ANXA11: variants seen among roughly 807,000 people sequenced by gnomAD.
ANXA11 encodes annexin A11.
In ANXA11, 57 loss-of-function variants were observed where a neutral mutation model predicts 64.7. The ratio of observed to expected loss-of-function variants is 0.88; its 90% CI spans 0.71 to 1.10. The LOEUF (loss-of-function observed/expected upper bound fraction) is 1.10. Ranked by LOEUF, ANXA11 falls within the 50% of genes least tolerant of loss-of-function variation. ANXA11 has a pLI of 0.00. For synonymous variants in ANXA11, 260 were observed against 265.2 expected (o/e 0.98, Z 0.19); for missense variants, 675 against 670.7 (o/e 1.01, Z -0.07).
At chr10:80,183,894 C>T (rs1169971360) in intron 1 of ANXA11, among the ~76,000 whole-genome samples, 1 of 152,248 alleles carries the variant, frequency 6.6e-6, no homozygotes, top group African/African-American at 2.4e-5. Flanking sequence ...CTGCCCCACA[C>T]ACCCCTTCAG....
chr10:80,168,501 A>T (rs1414099540), intron 5 of ANXA11, among the ~76,000 whole-genome samples: 1 of 152,104 alleles, frequency 6.6e-6, no homozygotes, highest in African/African-American at 2.4e-5. Flanking sequence ...AGTCTGCAAG[A>T]AGGTGACGCT....
At chr10:80,191,160 G>T (rs935374438) in intron 1 of ANXA11, among the ~76,000 whole-genome samples, 5 of 152,110 alleles carry the variant, frequency 3.3e-5, no homozygotes, top group African/African-American at 1.2e-4. Context: ...GGGAGGTGGA[G>T]GCTGCAGTGA....
rs939448639 is a variant in ANXA11 at position 80,157,125 on chromosome 10, C to T, written c.1458+516G>A. ...AACGATTATTTTCTCATCTTAAAGA[C>T]AATGGAGCTGGGGTTCAGGGAGATT... On this transcript the variant is annotated intron_variant, in intron 15 of 15. Coordinates refer to ENST00000422982, the MANE Select transcript of ANXA11 (RefSeq NM_145868.2). The T allele has an allele frequency of 3.6e-5, 35 of 970,458 alleles. No individual in the cohort carries two copies. The African/African-American group carries it at 5.6e-4, about 16-fold the overall frequency. 60.1% of individuals were successfully genotyped at this position (970,458 alleles called of 1,614,324 possible). A position where few individuals can be genotyped will look rare whatever the true frequency, so the allele number is the denominator to read the frequency against.
intron 1 of ANXA11, among the ~76,000 whole-genome samples, chr10:80,203,896 C>T (rs996808026): frequency 1.3e-4 from 20 of 152,202 alleles, no homozygotes; most frequent in African/African-American, 4.8e-4. Context: ...TTAGCTGAAC[C>T]TTCCACTGCT....
At chr10:80,162,419 C>T (rs1208222330) in intron 11 of ANXA11, among the ~76,000 whole-genome samples, 2 of 152,260 alleles carry the variant, frequency 1.3e-5, no homozygotes, top group Non-Finnish European at 2.9e-5. Flanking sequence ...CAGAGAGACA[C>T]TGAATAAGGC....
rs1284012660 is a variant in ANXA11 at position 80,171,706 on chromosome 10, C to CTTCTACATGGCAGCTTCTACAT, written c.56-792_56-791insATGTAGAAGCTGCCATGTAGAA. ...TTTCCTCTACATGGCAGCTTCGGATCGGCTCTTCATCTCCAGGGCTCCAGA... is the reference window on the plus strand; with the variant it reads ...TTTCCTCTACATGGCAGCTTCGGATCTTCTACATGGCAGCTTCTACATGGCTCTTCATCTCCAGGGCTCCAGA... On this transcript the variant is annotated intron_variant, in intron 3 of 15. Transcript: ENST00000422982. 9 of 985,388 alleles carry CTTCTACATGGCAGCTTCTACAT rather than the reference C, an allele frequency of 9.1e-6. No homozygotes were observed. The Admixed American group carries it at 4.3e-4, about 47-fold the overall frequency. The allele number at this position is 985,388 out of a possible 1,614,324, so 61.0% of individuals were successfully genotyped here.
intron 1 of ANXA11, among the ~76,000 whole-genome samples, chr10:80,198,575 G>A (rs550409698): frequency 2.0e-5 from 3 of 152,344 alleles, no homozygotes; most frequent in African/African-American, 7.2e-5. Context: ...TGCAGTCCAA[G>A]AATCTATGCT....
At chr10:80,174,185 CAT>C (rs1846082798) in intron 2 of ANXA11, among the ~76,000 whole-genome samples, 1 of 152,114 alleles carries the variant, frequency 6.6e-6, no homozygotes, top group African/African-American at 2.4e-5. Context: ...CTCCTAAAGA[CAT>C]GTGCCACCAC....
chr10:80,201,219 G>A (rs115426501), intron 1 of ANXA11, among the ~76,000 whole-genome samples: 89 of 152,186 alleles, frequency 5.8e-4, no homozygotes, highest in African/African-American at 1.9e-3. Context: ...CCACAGCCGC[G>A]ATGCCAAGCT....
At chr10:80,199,947 C>T (rs1196063863) in intron 1 of ANXA11, among the ~76,000 whole-genome samples, 1 of 152,128 alleles carries the variant, frequency 6.6e-6, no homozygotes, top group African/African-American at 2.4e-5. Context: ...GACTTCTGGC[C>T]CTGAGAAGTG....
chr10:80,158,200 A>G (rs529799901), intron 13 of ANXA11, among the ~76,000 whole-genome samples, 175 bp from the exon 14 acceptor site: 192 of 152,196 alleles, frequency 1.3e-3, no homozygotes, highest in Non-Finnish European at 2.2e-3. Flanking sequence ...GGCTCCAGCT[A>G]TTTGGAACAG....
At chr10:80,156,941 C>T in intron 15 of ANXA11, 14 of 977,944 alleles carry the variant, frequency 1.4e-5, no homozygotes, top group Non-Finnish European at 1.6e-5. Flanking sequence ...GGTGCAATTG[C>T]AAGGCTCATG....
At chr10:80,203,376 A>G (rs1367794755) in intron 1 of ANXA11, among the ~76,000 whole-genome samples, 1 of 152,114 alleles carries the variant, frequency 6.6e-6, no homozygotes, top group Non-Finnish European at 1.5e-5. Flanking sequence ...TCATGCATAA[A>G]GGCGTCAGGT....
chr10:80,161,856 G>A lies in ANXA11; in HGVS notation c.1180+79C>T, dbSNP rs561883212. The A allele has an allele frequency of 8.6e-6, 11 of 1,272,474 alleles. 1 individual carries two copies. The highest frequency in any genetic ancestry group is 2.5e-4 in the Middle Eastern group (1 of 3,926). The allele number at this position is 1,272,474 out of a possible 1,614,324, so 78.8% of individuals were successfully genotyped here. A position where few individuals can be genotyped will look rare whatever the true frequency, so the allele number is the denominator to read the frequency against. On this transcript the variant is annotated intron_variant, in intron 12 of 15. Transcript: ENST00000422982. ...CCCACGCAGGGAGGAACGACCAAGT[G>A]TTCCCATAGCTTTGTTTCCCCACAA...
At chr10:80,205,570 T>G (rs1017956868), upstream of ANXA11, 1 of 151,730 alleles carries the variant, frequency 6.6e-6, no homozygotes. Flanking sequence ...CCAGAGGCAG[T>G]GCAAGGGAGG....
At chr10:80,167,012 C>T (rs1035899313) in intron 6 of ANXA11, 28 bp from the exon 7 acceptor site, 13 of 1,263,388 alleles carry the variant, frequency 1.0e-5, no homozygotes, top group African/African-American at 1.5e-5. Flanking sequence ...AGGGGTGGGT[C>T]GGGTAGGGGT....
intron 8 of ANXA11, 80 bp from the exon 9 acceptor site, chr10:80,164,223 C>A: frequency 1.8e-6 from 2 of 1,140,770 alleles, no homozygotes; most frequent in Admixed American, 1.8e-5. Context: ...GTGGGGGCTA[C>A]GCTGCTGCCT....
intron 7 of ANXA11, 172 bp from the exon 8 acceptor site, chr10:80,166,369 A>C: frequency 1.6e-5 from 9 of 555,936 alleles, no homozygotes; most frequent in East Asian, 3.0e-5. Flanking sequence ...AACCTCCCAA[A>C]TCAGAGACCA....
intron 12 of ANXA11, among the ~76,000 whole-genome samples, 197 bp downstream of exon 12, chr10:80,161,738 A>G (rs1201420478): frequency 6.6e-6 from 1 of 151,852 alleles, no homozygotes; most frequent in Non-Finnish European, 1.5e-5. Context: ...CACCGGTAGA[A>G]CCTCCAGAAC....
Sources: gnomAD v4.1 joint callset for allele counts (sites outside exome capture counted in the v4.1 genomes callset) on GRCh38, gnomAD v4.1.1 for gene constraint, MANE v1.5 for transcripts, NCBI Gene and HGNC (gene_info 2026-07-23, HGNC 2026-07-21) for gene names.